Variants in THSD4 observed in about 807,000 individuals in gnomAD.
THSD4 encodes thrombospondin type 1 domain containing 4, also known as thrombospondin type-1 domain-containing protein 4.
Under a neutral mutation model 119.0 loss-of-function variants are expected in THSD4, and 69 were observed. The ratio of observed to expected loss-of-function variants is 0.58; its 90% CI spans 0.48 to 0.71. The LOEUF (loss-of-function observed/expected upper bound fraction) is 0.71. THSD4 is among the 30% of genes least tolerant of loss of function. The pLI is 0.00. For synonymous variants in THSD4, 524 were observed against 540.4 expected (o/e 0.97, Z 0.42); for missense variants, 1,393 against 1,391.1 (o/e 1.00, Z -0.02).
At chr15:71,176,051 C>T (rs1410480077) in intron 3 of THSD4, among the ~76,000 whole-genome samples, 202 of 119,884 alleles carry the variant, frequency 1.7e-3, no homozygotes, top group African/African-American at 6.4e-3. Flanking sequence ...ATGTAAAGAC[C>T]ATCGAGACTA....
At chr15:71,129,915 A>G (rs1346870843) in intron 1 of THSD4, among the ~76,000 whole-genome samples, 1 of 152,332 alleles carries the variant, frequency 6.6e-6, no homozygotes. Context: ...TGAGGGCAGC[A>G]TGTGTGGTTG....
At chr15:71,198,024 G>A (rs559660991) in intron 3 of THSD4, among the ~76,000 whole-genome samples, 1 of 152,186 alleles carries the variant, frequency 6.6e-6, no homozygotes, top group African/African-American at 2.4e-5. Context: ...GGAGGTCAAG[G>A]TGGGAGGTTC....
Position 71,415,598 on chromosome 15 carries a change from C to T in THSD4, c.1152+3775C>T, listed in dbSNP as rs1399077909. Among the ~76,000 whole-genome samples, 3 of 152,042 alleles carry T rather than the reference C, an allele frequency of 2.0e-5. No individual in the cohort carries two copies. In the East Asian group the frequency reaches 5.8e-4, roughly 29 times the overall value. On this transcript the variant is annotated intron_variant, in intron 7 of 17. Transcript: ENST00000261862. The stretch of plus-strand genomic sequence containing the variant: ...ATTACATTATTATTGACTGTAGTCA[C>T]CCTGTTGTGCTATCAAATACTAGAT...
chr15:71,582,896 G>A (rs957844310), intron 7 of THSD4, among the ~76,000 whole-genome samples: 41 of 151,972 alleles, frequency 2.7e-4, no homozygotes, highest in African/African-American at 9.2e-4. Flanking sequence ...ATTTTGTTGA[G>A]GATTTTTGCA....
chr15:71,515,138 C>T (rs1490634384), intron 7 of THSD4, among the ~76,000 whole-genome samples: 2 of 152,196 alleles, frequency 1.3e-5, no homozygotes, highest in Non-Finnish European at 2.9e-5. Context: ...TAGCAATTTA[C>T]ATTCTCACCA....
intron 17 of THSD4, among the ~76,000 whole-genome samples, chr15:71,771,842 T>C (rs2053828559): frequency 2.0e-5 from 3 of 152,158 alleles, no homozygotes; most frequent in Admixed American, 1.3e-4. Flanking sequence ...TTGGAGAGTG[T>C]TAGGGAGGTT....
intron 8 of THSD4, among the ~76,000 whole-genome samples, chr15:71,716,777 G>T (rs2052619511): frequency 6.6e-6 from 1 of 151,952 alleles, no homozygotes; most frequent in Non-Finnish European, 1.5e-5. Context: ...TCACTTCTTG[G>T]GGCATCCCCC....
chr15:71,770,535 A>G (rs1416553852), intron 16 of THSD4, among the ~76,000 whole-genome samples: 1 of 151,940 alleles, frequency 6.6e-6, no homozygotes, highest in Non-Finnish European at 1.5e-5. Context: ...TGCACCTGTA[A>G]TCCCAGCTAC....
chr15:71,162,906 T>G (rs1205554911), intron 3 of THSD4, among the ~76,000 whole-genome samples: 1 of 152,002 alleles, frequency 6.6e-6, no homozygotes, highest in Non-Finnish European at 1.5e-5. Flanking sequence ...CTTGATCTGG[T>G]CTGTTGTTGA....
chr15:71,479,749 T>C (rs917139404), intron 7 of THSD4, among the ~76,000 whole-genome samples: 1 of 152,256 alleles, frequency 6.6e-6, no homozygotes, highest in Non-Finnish European at 1.5e-5. Context: ...CTGTGTTTCC[T>C]GTTGAAGGCC....
At position 71,780,438 on chromosome 15, in the gene THSD4, A is replaced by G. The variant is rs1017897199; in HGVS notation, c.*3064A>G. 1 of 221,002 alleles carries G rather than the reference A, an allele frequency of 4.5e-6. No homozygotes were observed. The allele number at this position is 221,002 out of a possible 1,614,324, so 13.7% of individuals were successfully genotyped here. Reference sequence around the variant, plus strand: ...CTTGCAGCCTAGGCAAAGGACATTTAGTACTATCGATTCTTTCCACCCTCA... The same window carrying G: ...CTTGCAGCCTAGGCAAAGGACATTTGGTACTATCGATTCTTTCCACCCTCA... On this transcript the variant is annotated 3_prime_UTR_variant, in exon 18 of 18. Coordinates refer to ENST00000261862, the MANE Select transcript of THSD4 (RefSeq NM_024817.3).
At chr15:71,631,928 G>A (rs950798464) in intron 7 of THSD4, among the ~76,000 whole-genome samples, 1 of 152,168 alleles carries the variant, frequency 6.6e-6, no homozygotes, top group Non-Finnish European at 1.5e-5. Flanking sequence ...AGGAGCATGG[G>A]CTTTGGAGTC....
intron 6 of THSD4, among the ~76,000 whole-genome samples, chr15:71,294,478 A>G (rs183789393): frequency 1.3e-5 from 2 of 152,216 alleles, no homozygotes; most frequent in East Asian, 3.9e-4. Flanking sequence ...ATCCACTTAG[A>G]TGGGGTCCGT....
At chr15:71,561,709 G>T (rs1334092488) in intron 7 of THSD4, among the ~76,000 whole-genome samples, 1 of 152,138 alleles carries the variant, frequency 6.6e-6, no homozygotes, top group East Asian at 1.9e-4. Flanking sequence ...CTTTAAAATG[G>T]AATGACAGAG....
At chr15:71,501,065 G>A (rs920639638) in intron 7 of THSD4, among the ~76,000 whole-genome samples, 14 of 152,064 alleles carry the variant, frequency 9.2e-5, no homozygotes, top group Admixed American at 9.2e-4. Flanking sequence ...GATTGCTTTG[G>A]GTAGCATGGA....
chr15:71,166,559 G>A lies in THSD4; in HGVS notation c.99+11627G>A, dbSNP rs140695670. 7.9e-5 allele frequency among the ~76,000 whole-genome samples: 12 copies of A among 152,128 alleles called. No individual in the cohort carries two copies. In the East Asian group the frequency reaches 1.6e-3, roughly 20 times the overall value. On this transcript the variant is annotated intron_variant, in intron 3 of 17. Transcript: ENST00000261862. ...AAGGATTCCAGCTTACTTTTTCCCCGTGAGAAGAAGTTTCCCTGGCTCTGA... is the reference window on the plus strand; with the variant it reads ...AAGGATTCCAGCTTACTTTTTCCCCATGAGAAGAAGTTTCCCTGGCTCTGA...
intron 1 of THSD4, among the ~76,000 whole-genome samples, chr15:71,128,144 A>G (rs2040470533): frequency 6.6e-6 from 1 of 152,212 alleles, no homozygotes; most frequent in African/African-American, 2.4e-5. Context: ...ATGACAGGAA[A>G]GAATCAGTGG....
chr15:71,657,159 C>T (rs978398493), intron 7 of THSD4, among the ~76,000 whole-genome samples: 3 of 152,186 alleles, frequency 2.0e-5, no homozygotes. Context: ...ATGTGTATGT[C>T]TGATTGCTCC....
chr15:71,673,377 C>T (rs2141017408), intron 8 of THSD4, among the ~76,000 whole-genome samples: 2 of 152,256 alleles, frequency 1.3e-5, no homozygotes, highest in Middle Eastern at 6.8e-3. Flanking sequence ...ATTCTTCTCT[C>T]TTTTCTTCTT....
Sources: allele counts gnomAD v4.1 joint callset (sites outside exome capture counted in the v4.1 genomes callset), GRCh38; gene constraint gnomAD v4.1.1; transcripts MANE v1.5; gene names NCBI Gene and HGNC (gene_info 2026-07-23, HGNC 2026-07-21).